ASTN2: variants seen among roughly 807,000 people sequenced by gnomAD.
The protein encoded by ASTN2 is astrotactin-2.
Under a neutral mutation model 139.8 loss-of-function variants are expected in ASTN2, and 54 were observed. The ratio of observed to expected loss-of-function variants is 0.39; its 90% confidence interval spans 0.31 to 0.48. ASTN2 has a LOEUF of 0.48. Among genes scored for constraint, ASTN2 ranks in the 20% least tolerant of loss-of-function variants. The pLI is 0.95. For missense variants in ASTN2, 1,565 were observed against 1,725.1 expected (o/e 0.91, Z 1.64); for synonymous variants, 756 against 719.5 (o/e 1.05, Z -0.81).
At chr9:116,529,813 C>T (rs968021164) in intron 19 of ASTN2, among the ~76,000 whole-genome samples, 8 of 151,952 alleles carry the variant, frequency 5.3e-5, no homozygotes, top group African/African-American at 1.9e-4. Flanking sequence ...AAGACATGTC[C>T]TGCTTCCCCT....
chr9:116,913,912 T>C (rs1834378154), intron 10 of ASTN2, among the ~76,000 whole-genome samples: 1 of 151,264 alleles, frequency 6.6e-6, no homozygotes, highest in Admixed American at 6.6e-5. Context: ...AAATTCACAT[T>C]CACTTATGGT....
chr9:116,699,236 T>C lies in ASTN2; in HGVS notation c.2806+26535A>G. On this transcript the variant is annotated intron_variant, in intron 16 of 22. Transcript: ENST00000313400. The surrounding 1 kb of genome is among the most constrained non-coding windows in gnomAD (Gnocchi z 4.2). ...GTGGAAAGCTTTGGTGTTTCACAGT[T>C]GATCGAGGATCAGGGGTGGTCAAAT... 2 of 1,614,254 alleles carry C rather than the reference T, an allele frequency of 1.2e-6. No homozygotes were observed. The highest frequency in any genetic ancestry group is 1.7e-6 in the Non-Finnish European group (2 of 1,180,040).
At chr9:117,167,033 AT>A (rs1294759135) in intron 3 of ASTN2, among the ~76,000 whole-genome samples, 6 of 152,174 alleles carry the variant, frequency 3.9e-5, no homozygotes, top group African/African-American at 1.4e-4. Flanking sequence ...TATTTATCTT[AT>A]TTTGTAATTT....
intron 1 of ASTN2, among the ~76,000 whole-genome samples, chr9:117,323,479 A>T (rs1222280003): frequency 6.6e-6 from 1 of 152,184 alleles, no homozygotes; most frequent in East Asian, 1.9e-4. Flanking sequence ...CGAAAGGTTT[A>T]TGGCTTTGCC....
intron 5 of ASTN2, among the ~76,000 whole-genome samples, chr9:117,073,070 A>G (rs1828178992): frequency 6.6e-6 from 1 of 152,192 alleles, no homozygotes; most frequent in Admixed American, 6.5e-5. Flanking sequence ...GAGAAAGTCA[A>G]AGATGATATA....
intron 19 of ASTN2, among the ~76,000 whole-genome samples, chr9:116,602,956 T>C (rs1022600007): frequency 6.6e-6 from 1 of 152,144 alleles, no homozygotes; most frequent in Non-Finnish European, 1.5e-5. Flanking sequence ...AGAATGTAAG[T>C]TGACAGGAGA....
intron 3 of ASTN2, among the ~76,000 whole-genome samples, chr9:117,181,360 A>G (rs1831061451): frequency 6.6e-6 from 1 of 152,174 alleles, no homozygotes; most frequent in South Asian, 2.1e-4. Context: ...GGTTCTGGCA[A>G]ATGTCTCAAA....
chr9:117,335,198 T>C (rs1280486610), intron 1 of ASTN2, among the ~76,000 whole-genome samples: 1 of 152,238 alleles, frequency 6.6e-6, no homozygotes, highest in African/African-American at 2.4e-5. Context: ...TACATGTTTA[T>C]TGTCAGTTTT....
intron 22 of ASTN2, among the ~76,000 whole-genome samples, chr9:116,438,632 C>T (rs1847732788): frequency 6.6e-6 from 1 of 152,170 alleles, no homozygotes; most frequent in Admixed American, 6.5e-5. Context: ...ATTCTCTTCC[C>T]CTCTTTCAGG....
chr9:116,494,352 T>C (rs1000546690), intron 19 of ASTN2, among the ~76,000 whole-genome samples: 1 of 152,180 alleles, frequency 6.6e-6, no homozygotes, highest in Non-Finnish European at 1.5e-5. Context: ...TTATAATATG[T>C]CTGATACATG....
rs538488690 is a variant in ASTN2 at position 117,014,408 on chromosome 9, T to C, written c.1424-6149A>G. Among the ~76,000 whole-genome samples the C allele has an allele frequency of 3.2e-3, 482 of 152,244 alleles. 3 individuals carry two copies. Among genetic ancestry groups the C allele is most frequent in the Middle Eastern group, 6.8e-3 (2 of 294 alleles). ...TGGATACCTGGGAGAAAACAGTCTC[T>C]GAGAGCAACCACTCTGGAGGAACAT... On this transcript the variant is annotated intron_variant, in intron 6 of 22. Transcript: ENST00000313400.
chr9:116,758,241 T>C (rs1296063463), intron 13 of ASTN2, among the ~76,000 whole-genome samples: 1 of 152,184 alleles, frequency 6.6e-6, no homozygotes, highest in East Asian at 1.9e-4. Context: ...ATGGGAAAAC[T>C]TATTGCTAGC....
intron 5 of ASTN2, among the ~76,000 whole-genome samples, chr9:117,062,124 T>G (rs555886377): frequency 3.3e-5 from 5 of 152,272 alleles, no homozygotes; most frequent in Admixed American, 2.0e-4. Context: ...ACGAGGGGCA[T>G]GACTTTATTT....
chr9:117,007,251 T>C (rs956543714), intron 7 of ASTN2, among the ~76,000 whole-genome samples: 3 of 152,174 alleles, frequency 2.0e-5, no homozygotes, highest in Non-Finnish European at 4.4e-5. Context: ...ACATGCTTTG[T>C]ACATCATTCT....
At chr9:116,588,593 A>C (rs369355095) in intron 19 of ASTN2, among the ~76,000 whole-genome samples, 1 of 152,222 alleles carries the variant, frequency 6.6e-6, no homozygotes, top group South Asian at 2.1e-4. Flanking sequence ...TTAATCTGTC[A>C]TAATAATAGT....
At chr9:117,344,595 A>G (rs961861739) in intron 1 of ASTN2, among the ~76,000 whole-genome samples, 1 of 152,174 alleles carries the variant, frequency 6.6e-6, no homozygotes, top group Non-Finnish European at 1.5e-5. Context: ...GTGACACAGA[A>G]TCATGGACAA....
intron 19 of ASTN2, among the ~76,000 whole-genome samples, chr9:116,575,337 A>C (rs1308655494): frequency 6.6e-6 from 1 of 152,186 alleles, no homozygotes; most frequent in African/African-American, 2.4e-5. Context: ...GTAAGGTCCA[A>C]AAAGATGAAC....
intron 19 of ASTN2, among the ~76,000 whole-genome samples, chr9:116,516,943 C>T (rs1183691922): frequency 6.6e-6 from 1 of 152,172 alleles, no homozygotes; most frequent in Non-Finnish European, 1.5e-5. Context: ...ATACCCCATT[C>T]CCCACAGCAG....
chr9:116,751,582 G>A (rs545947342), intron 13 of ASTN2, among the ~76,000 whole-genome samples: 16 of 151,582 alleles, frequency 1.1e-4, no homozygotes, highest in Non-Finnish European at 2.2e-4. Context: ...TGTGATTTAG[G>A]GTTTAAAAAA....
Sources: gnomAD v4.1 joint callset for allele counts (sites outside exome capture counted in the v4.1 genomes callset) on GRCh38, gnomAD v4.1.1 for gene constraint, Gnocchi (gnomAD v3.1) non-coding constraint, MANE v1.5 for transcripts, NCBI Gene and HGNC (gene_info 2026-07-23, HGNC 2026-07-21) for gene names.